TMEM132B: variants seen among roughly 807,000 people sequenced by gnomAD.
TMEM132B encodes transmembrane protein 132B.
Under a neutral mutation model 90.8 loss-of-function variants are expected in TMEM132B, and 18 were observed. The observed-to-expected ratio is 0.20, with a 90% CI of 0.14 to 0.29. TMEM132B has a LOEUF of 0.29. Ranked by LOEUF, TMEM132B falls within the 10% of genes least tolerant of loss-of-function variation. The pLI is 1.00. For missense variants in TMEM132B, 1,096 were observed against 1,326.8 expected (o/e 0.83, Z 2.70); for synonymous variants, 504 against 523.3 (o/e 0.96, Z 0.50).
intron 3 of TMEM132B, among the ~76,000 whole-genome samples, chr12:125,448,719 A>G (rs1009129320): frequency 6.6e-6 from 1 of 152,178 alleles, no homozygotes; most frequent in African/African-American, 2.4e-5. Flanking sequence ...TATGGTAAGT[A>G]TATATTTAAT....
intron 6 of TMEM132B, 33 bp from the exon 7 acceptor site, chr12:125,650,650 G>A: frequency 6.3e-7 from 1 of 1,595,398 alleles, no homozygotes; most frequent in Non-Finnish European, 8.6e-7. Flanking sequence ...TAACAATGAA[G>A]ACTTTGTTCT....
chr12:125,300,837 C>A (rs778941529), intron 1 of TMEM132B: 1 of 152,018 alleles, frequency 6.6e-6, no homozygotes, highest in African/African-American at 2.4e-5. Context: ...CTGCACTGGG[C>A]GAGCCTTGTT....
chr12:125,588,921 A>T (rs1885240621), intron 5 of TMEM132B, among the ~76,000 whole-genome samples: 1 of 152,142 alleles, frequency 6.6e-6, no homozygotes, highest in Admixed American at 6.5e-5. Context: ...CCCAATGTGG[A>T]GTTTAGAGGA....
chr12:125,429,502 G>A (rs1358809819), intron 3 of TMEM132B, among the ~76,000 whole-genome samples: 2 of 151,900 alleles, frequency 1.3e-5, no homozygotes, highest in Admixed American at 6.6e-5. Flanking sequence ...CACCGTGCCC[G>A]GCCCTAATGT....
intron 5 of TMEM132B, among the ~76,000 whole-genome samples, chr12:125,606,935 G>A (rs1885710302): frequency 6.6e-6 from 1 of 152,202 alleles, no homozygotes; most frequent in Admixed American, 6.5e-5. Context: ...AATCAGTGTG[G>A]TGTGGGAGAT....
chr12:125,400,763 A>G (rs935069546), intron 2 of TMEM132B, among the ~76,000 whole-genome samples: 3 of 152,178 alleles, frequency 2.0e-5, no homozygotes, highest in Non-Finnish European at 4.4e-5. Context: ...GTATCCTTGC[A>G]GTTTTCCTTA....
intron 4 of TMEM132B, among the ~76,000 whole-genome samples, chr12:125,572,884 C>A (rs1884834281): frequency 6.6e-6 from 1 of 152,190 alleles, no homozygotes; most frequent in Non-Finnish European, 1.5e-5. Context: ...GACTCAGAAG[C>A]TTATTTTATT....
chr12:125,636,345 C>T (rs1051182912), intron 5 of TMEM132B, among the ~76,000 whole-genome samples: 118 of 152,128 alleles, frequency 7.8e-4, no homozygotes, highest in Non-Finnish European at 1.5e-3. Context: ...GAGTTATTTT[C>T]TCAGTGTCCG....
Position 125,539,705 on chromosome 12 carries a change from C to T in TMEM132B, c.1293+20080C>T, listed in dbSNP as rs117841281. ...TGTCTAGACTCTCTAGTGATGTCAC[C>T]CTTCTTATTCTGGCATTGATTCTTT... On this transcript the variant is annotated intron_variant, in intron 4 of 8. Coordinates refer to ENST00000682704, the MANE Select transcript of TMEM132B (RefSeq NM_001366854.1). 2.8e-4 allele frequency among the ~76,000 whole-genome samples: 42 copies of T among 152,198 alleles called. No homozygotes were observed. In the East Asian group the frequency reaches 7.3e-3, roughly 27 times the overall value.
intron 2 of TMEM132B, among the ~76,000 whole-genome samples, chr12:125,397,770 TTTC>T (rs1479426673): frequency 6.6e-6 from 1 of 152,212 alleles, no homozygotes; most frequent in Non-Finnish European, 1.5e-5. Context: ...GAGGATTGAT[TTTC>T]TTGTTAGGAA....
intron 1 of TMEM132B, among the ~76,000 whole-genome samples, chr12:125,265,455 A>C (rs994718971): frequency 6.6e-6 from 1 of 152,228 alleles, no homozygotes; most frequent in Non-Finnish European, 1.5e-5. Context: ...TCTGCCTCTC[A>C]ACATATCTCT....
chr12:125,421,219 C>T (rs1033793612), intron 3 of TMEM132B, among the ~76,000 whole-genome samples: 3 of 152,182 alleles, frequency 2.0e-5, no homozygotes, highest in Non-Finnish European at 2.9e-5. Context: ...TTTATAATAG[C>T]ACCCCACTCT....
At chr12:125,240,395 A>G (rs1874037757) in intron 1 of TMEM132B, among the ~76,000 whole-genome samples, 1 of 152,158 alleles carries the variant, frequency 6.6e-6, no homozygotes, top group Admixed American at 6.5e-5. Context: ...CAGGGCTGTT[A>G]TTAGAGCTGA....
At chr12:125,541,087 A>G (rs1303157897) in intron 4 of TMEM132B, among the ~76,000 whole-genome samples, 1 of 152,222 alleles carries the variant, frequency 6.6e-6, no homozygotes, top group Non-Finnish European at 1.5e-5. Flanking sequence ...GTTTCTGCTC[A>G]AATATCACCT....
At chr12:125,493,125 A>G (rs1005968653) in intron 3 of TMEM132B, among the ~76,000 whole-genome samples, 1 of 152,158 alleles carries the variant, frequency 6.6e-6, no homozygotes, top group African/African-American at 2.4e-5. Context: ...TAGCTCATGC[A>G]GTCCTCAAAA....
intron 5 of TMEM132B, among the ~76,000 whole-genome samples, chr12:125,619,222 C>G (rs1886060949): frequency 6.6e-6 from 1 of 152,166 alleles, no homozygotes; most frequent in South Asian, 2.1e-4. Context: ...AAAATCCAGG[C>G]AAAGAGTCAG....
At chr12:125,631,538 C>A (rs1397909501) in intron 5 of TMEM132B, among the ~76,000 whole-genome samples, 1 of 152,052 alleles carries the variant, frequency 6.6e-6, no homozygotes, top group Non-Finnish European at 1.5e-5. Flanking sequence ...TCCACTGTTT[C>A]TTTGTTGATT....
chr12:125,550,358 G>T (rs1566070602), intron 4 of TMEM132B, among the ~76,000 whole-genome samples: 2 of 151,744 alleles, frequency 1.3e-5, no homozygotes, highest in East Asian at 1.9e-4. Flanking sequence ...TCTATATTCT[G>T]TTTTTTTTAA....
At chr12:125,333,691 G>A (rs906822457) in intron 1 of TMEM132B, among the ~76,000 whole-genome samples, 1 of 152,202 alleles carries the variant, frequency 6.6e-6, no homozygotes, top group Non-Finnish European at 1.5e-5. Context: ...TGATCTAGCT[G>A]ATTACTGCTG....
Sources: gnomAD v4.1 joint callset for allele counts (sites outside exome capture counted in the v4.1 genomes callset) on GRCh38, gnomAD v4.1.1 for gene constraint, MANE v1.5 for transcripts, NCBI Gene and HGNC (gene_info 2026-07-23, HGNC 2026-07-21) for gene names.